Variants in HHAT observed in about 807,000 individuals in gnomAD.
HHAT encodes protein-cysteine N-palmitoyltransferase HHAT.
In HHAT, 47 loss-of-function variants were observed where a neutral mutation model predicts 70.8. The observed-to-expected ratio is 0.66, with a 90% CI of 0.53 to 0.85. The LOEUF (loss-of-function observed/expected upper bound fraction) is 0.85, where lower values mean the gene tolerates loss of function less well. Among genes scored for constraint, HHAT ranks in the 40% least tolerant of loss-of-function variants. The probability of loss-of-function intolerance (pLI) is 0.00; values close to 1 mark genes in which losing one functional copy is unlikely to be tolerated. For missense variants in HHAT, 609 were observed against 604.8 expected (o/e 1.01, Z -0.07); for synonymous variants, 228 against 247.6 (o/e 0.92, Z 0.74).
At chr1:210,537,481 A>G (rs1280938005) in intron 9 of HHAT, among the ~76,000 whole-genome samples, 2 of 152,138 alleles carry the variant, frequency 1.3e-5, no homozygotes, top group Non-Finnish European at 2.9e-5. Flanking sequence ...TAATAATAAA[A>G]TGAGTAGACA....
At chr1:210,464,733 G>A (rs2094062164) in intron 8 of HHAT, 78 bp downstream of exon 8, 6 of 1,473,364 alleles carry the variant, frequency 4.1e-6, no homozygotes, top group African/African-American at 2.8e-5. Context: ...CAAAGGGTTC[G>A]GGCTACTATC....
chr1:210,327,356 C>T (rs964316613), upstream of HHAT, among the ~76,000 whole-genome samples: 6 of 144,500 alleles, frequency 4.2e-5, no homozygotes, highest in African/African-American at 1.3e-4. Flanking sequence ...AGGCTGGTCT[C>T]GAACTCCTGG....
At chr1:210,407,776 A>AGG (rs1352794738) in intron 6 of HHAT, among the ~76,000 whole-genome samples, 1 of 152,134 alleles carries the variant, frequency 6.6e-6, no homozygotes, top group African/African-American at 2.4e-5. Flanking sequence ...AGGGAAGGGA[A>AGG]GGACATGGTG....
At chr1:210,620,134 T>G (rs1037108299) in intron 10 of HHAT, among the ~76,000 whole-genome samples, 2 of 151,422 alleles carry the variant, frequency 1.3e-5, no homozygotes, top group African/African-American at 4.9e-5. Flanking sequence ...GAAAGGAGAG[T>G]GTAAGAGAAA....
chr1:210,670,029 A>G (rs1483259191), intron 11 of HHAT, among the ~76,000 whole-genome samples: 1 of 151,846 alleles, frequency 6.6e-6, no homozygotes, highest in Non-Finnish European at 1.5e-5. Context: ...AGTGGACTGC[A>G]GGGGGAGGAA....
intron 9 of HHAT, among the ~76,000 whole-genome samples, chr1:210,542,906 T>A (rs182684910): frequency 1.4e-3 from 207 of 152,356 alleles, no homozygotes; most frequent in African/African-American, 4.8e-3. Context: ...ATATTTTGAT[T>A]GTTTGATTGT....
At chr1:210,339,499 C>CT (rs2085810975) in intron 1 of HHAT, among the ~76,000 whole-genome samples, 1 of 152,116 alleles carries the variant, frequency 6.6e-6, no homozygotes, top group African/African-American at 2.4e-5. Flanking sequence ...ACTCTGGAGC[C>CT]TGGTCCTTAA....
intron 7 of HHAT, among the ~76,000 whole-genome samples, chr1:210,436,892 T>A (rs1343763166): frequency 1.3e-5 from 2 of 151,812 alleles, no homozygotes; most frequent in Non-Finnish European, 2.9e-5. Flanking sequence ...TGGGTGATAG[T>A]AGGTTGTTTT....
chr1:210,599,593 C>G (rs1217003200), intron 10 of HHAT, among the ~76,000 whole-genome samples: 2 of 152,156 alleles, frequency 1.3e-5, no homozygotes, highest in African/African-American at 2.4e-5. Flanking sequence ...TCTGCATATA[C>G]TGTACATTCT....
chr1:210,409,932 C>G (rs3765856), intron 6 of HHAT, among the ~76,000 whole-genome samples: 17,183 of 152,066 alleles, frequency 0.11, 1,244 homozygotes, highest in East Asian at 0.25. Context: ...TTTGGCAGTC[C>G]CCTAGGTTTG....
chr1:210,656,870 G>A (rs930234812), intron 11 of HHAT, among the ~76,000 whole-genome samples: 7 of 152,156 alleles, frequency 4.6e-5, no homozygotes, highest in African/African-American at 1.4e-4. Context: ...CCAAGGCATG[G>A]CAAACTGCTT....
At chr1:210,644,500 G>A (rs1382927448) in intron 11 of HHAT, among the ~76,000 whole-genome samples, 1 of 149,872 alleles carries the variant, frequency 6.7e-6, no homozygotes, top group Non-Finnish European at 1.5e-5. Context: ...CTACTTAGGA[G>A]TCTGAGGCAG....
intron 9 of HHAT, among the ~76,000 whole-genome samples, chr1:210,565,313 C>T (rs755792534): frequency 1.7e-4 from 26 of 152,220 alleles, no homozygotes; most frequent in East Asian, 5.8e-4. Flanking sequence ...TTAAGTCTGC[C>T]CTGAAACAAA....
Position 210,397,578 on chromosome 1 carries a change from T to TA in HHAT, c.274-2883dup, listed in dbSNP as rs562945169. ...ACAATTTTTTTTTTTTTTGAAAAGT[T>TA]AAAAAAATTCTGGCCTGGTTGATGT... On this transcript the variant is annotated intron_variant, in intron 4 of 11. Coordinates refer to ENST00000261458, the MANE Select transcript of HHAT (RefSeq NM_018194.6). 4.8e-4 allele frequency among the ~76,000 whole-genome samples: 73 copies of TA among 151,930 alleles called. 1 individual carries two copies. Among genetic ancestry groups the TA allele is most frequent in the African/African-American group, 1.6e-3 (67 of 41,394 alleles).
rs142557051 is a variant in HHAT, at chr1:210,550,842, A to G, written c.1044-37056A>G. Among the ~76,000 whole-genome samples, 368 of 148,574 alleles carry G rather than the reference A, an allele frequency of 2.5e-3. 25 individuals are homozygous for G. Among genetic ancestry groups the G allele is most frequent in the African/African-American group, 8.4e-3 (338 of 40,166 alleles). On this transcript the variant is annotated intron_variant, in intron 9 of 11. Coordinates refer to ENST00000261458, the MANE Select transcript of HHAT (RefSeq NM_018194.6). ...ACGCTACCACCCCCAGATAATTTGT[A>G]TTTTTAGTAGAGACAGGGTTTCACC...
intron 3 of HHAT, among the ~76,000 whole-genome samples, chr1:210,377,202 T>C (rs1325107726): frequency 6.6e-6 from 1 of 152,260 alleles, no homozygotes; most frequent in African/African-American, 2.4e-5. Context: ...GTGTGATTTA[T>C]TAGCATAGTT....
intron 8 of HHAT, among the ~76,000 whole-genome samples, chr1:210,489,648 A>G (rs940506588): frequency 1.3e-5 from 2 of 152,178 alleles, no homozygotes; most frequent in African/African-American, 4.8e-5. Flanking sequence ...TTGTCCTGGT[A>G]ACCATCAACT....
At chr1:210,351,648 C>G (rs58960429) in intron 2 of HHAT, among the ~76,000 whole-genome samples, 18,412 of 152,200 alleles carry the variant, frequency 0.12, 1,542 homozygotes, top group East Asian at 0.27. Flanking sequence ...ATTGGGCTCA[C>G]TCATCCAGGG....
At chr1:210,374,405 A>T (rs1369326565) in intron 3 of HHAT, 1 of 152,250 alleles carries the variant, frequency 6.6e-6, no homozygotes, top group African/African-American at 2.4e-5. Flanking sequence ...ATAGTTAGAA[A>T]TGTTGAGTCA....
Sources: allele counts gnomAD v4.1 joint callset (sites outside exome capture counted in the v4.1 genomes callset), GRCh38; gene constraint gnomAD v4.1.1; transcripts MANE v1.5; gene names NCBI Gene and HGNC (gene_info 2026-07-23, HGNC 2026-07-21).